Variants in APOO observed in about 807,000 individuals in gnomAD.
APOO encodes the protein MICOS complex subunit MIC26.
Under a neutral mutation model 23.1 loss-of-function variants are expected in APOO, and 11 were observed. The observed-to-expected ratio is 0.48, with a 90% CI of 0.30 to 0.79. The LOEUF (loss-of-function observed/expected upper bound fraction) is 0.79, where lower values mean the gene tolerates loss of function less well. Ranked by LOEUF, APOO falls within the 30% of genes least tolerant of loss-of-function variation. APOO has a pLI of 0.07. For missense variants in APOO, 160 were observed against 142.7 expected (o/e 1.12, Z -0.62); for synonymous variants, 59 against 54.8 (o/e 1.08, Z -0.34).
chrX:23,880,685 C>T (rs1455543504), intron 2 of APOO, among the ~76,000 whole-genome samples, 160 bp downstream of exon 2: 3 of 102,848 alleles, frequency 2.9e-5, no homozygotes, highest in African/African-American at 7.6e-5. Flanking sequence ...GCAACAAGAG[C>T]GAAACTCCGT....
At chrX:23,871,218 C>A (rs868179742) in intron 4 of APOO, among the ~76,000 whole-genome samples, 10 of 105,942 alleles carry the variant, frequency 9.4e-5, no homozygotes, top group Non-Finnish European at 1.4e-4. Flanking sequence ...AAAAAATTAG[C>A]CAGGTGTGGT....
chrX:23,856,531 A>G, intron 6 of APOO, 149 bp from the exon 7 acceptor site: 1 of 388,789 alleles, frequency 2.6e-6, no homozygotes, highest in Non-Finnish European at 4.2e-6. Flanking sequence ...CATGGAATCA[A>G]CCTAAATGCC....
chrX:23,876,420 C>CA (rs765596295), intron 3 of APOO, among the ~76,000 whole-genome samples: 2,579 of 43,157 alleles, frequency 0.06, 124 homozygotes, highest in African/African-American at 0.15. Context: ...TTGTCTCTAC[C>CA]AAAAAAAAAA....
intron 7 of APOO, among the ~76,000 whole-genome samples, chrX:23,849,583 TAAAAAAAAAAA>T (rs143362355): frequency 2.5e-4 from 8 of 32,604 alleles, no homozygotes; most frequent in Admixed American, 4.2e-4. Context: ...AAGAGAGACT[TAAAAAAAAAAA>T]AAAAAAAAAA....
At chrX:23,858,323 A>G (rs1924866707) in intron 6 of APOO, among the ~76,000 whole-genome samples, 1 of 110,988 alleles carries the variant, frequency 9.0e-6, no homozygotes, top group African/African-American at 3.3e-5. Context: ...AGTGACCCAT[A>G]ATTATCAGCT....
intron 4 of APOO, among the ~76,000 whole-genome samples, chrX:23,869,205 G>A (rs1046316877): frequency 1.8e-5 from 2 of 110,194 alleles, no homozygotes; most frequent in East Asian, 2.9e-4. Flanking sequence ...CACTGCGCCC[G>A]GCTGCAAGTG....
chrX:23,847,997 T>A (rs887732381), intron 7 of APOO, among the ~76,000 whole-genome samples: 8 of 105,597 alleles, frequency 7.6e-5, no homozygotes, highest in African/African-American at 2.8e-4. Flanking sequence ...CTGCCTCAGC[T>A]TCCCGAGTAG....
intron 5 of APOO, among the ~76,000 whole-genome samples, chrX:23,859,739 G>A (rs780050163): frequency 8.9e-6 from 1 of 111,848 alleles, no homozygotes; most frequent in Non-Finnish European, 1.9e-5. Flanking sequence ...CGCTGCGCCC[G>A]GCCCTCTGGG....
chrX:23,890,517 G>A (rs1423982311), intron 1 of APOO, among the ~76,000 whole-genome samples: 2 of 112,291 alleles, frequency 1.8e-5, no homozygotes, highest in Non-Finnish European at 3.8e-5. Flanking sequence ...TATACAAATG[G>A]TCTCAGACTT....
intron 7 of APOO, among the ~76,000 whole-genome samples, chrX:23,848,467 AT>A (rs1924359830): frequency 9.0e-6 from 1 of 111,480 alleles, no homozygotes; most frequent in African/African-American, 3.3e-5. Flanking sequence ...CCTGGCCATT[AT>A]TTTTAAAGAA....
At chrX:23,840,515 G>C (rs1923918495) in intron 7 of APOO, 138 bp from the exon 8 acceptor site, 1 of 455,257 alleles carries the variant, frequency 2.2e-6, no homozygotes, top group Non-Finnish European at 3.5e-6. Flanking sequence ...TTGAGGACTT[G>C]GGGGGTTGTT....
chrX:23,837,454 T>TTGAA, intron 8 of APOO: 1 of 433,435 alleles, frequency 2.3e-6, no homozygotes, highest in East Asian at 4.1e-5. Flanking sequence ...AACCCAGGAG[T>TTGAA]TGAAGTCCAG....
At chrX:23,858,877 G>A in intron 5 of APOO, 144 bp from the exon 6 acceptor site, 1 of 458,053 alleles carries the variant, frequency 2.2e-6, no homozygotes, top group Admixed American at 4.3e-5. Context: ...GAGGCGGGAG[G>A]ATCACTTGAG....
At chrX:23,885,291 C>T (rs889133931) in intron 1 of APOO, among the ~76,000 whole-genome samples, 12 of 108,969 alleles carry the variant, frequency 1.1e-4, no homozygotes, top group African/African-American at 3.3e-4. Flanking sequence ...CCCAGCTACT[C>T]GGGAGGCTGA....
intron 4 of APOO, among the ~76,000 whole-genome samples, chrX:23,869,121 C>T (rs1262291338): frequency 9.1e-6 from 1 of 109,552 alleles, no homozygotes; most frequent in Admixed American, 9.9e-5. Flanking sequence ...GTTGGCCAGG[C>T]TGGTCTCGAA....
chrX:23,858,761 T>A, intron 5 of APOO, 28 bp from the exon 6 acceptor site: 1 of 1,126,208 alleles, frequency 8.9e-7, no homozygotes, highest in South Asian at 1.9e-5. Flanking sequence ...GTACACGCCA[T>A]CAGATGATTC....
chrX:23,902,667 T>A (rs1927177695), intron 1 of APOO, among the ~76,000 whole-genome samples: 1 of 112,161 alleles, frequency 8.9e-6, no homozygotes, highest in African/African-American at 3.2e-5. Flanking sequence ...TGAAGATGAA[T>A]AACTATATCA....
intron 5 of APOO, among the ~76,000 whole-genome samples, chrX:23,860,382 C>A (rs184371763): frequency 1.1e-4 from 12 of 110,942 alleles, no homozygotes; most frequent in Non-Finnish European, 2.3e-4. Flanking sequence ...GTTAAAAAAC[C>A]CAGTAAACCA....
intron 1 of APOO, among the ~76,000 whole-genome samples, chrX:23,881,749 C>G (rs1236607546): frequency 1.1e-5 from 1 of 91,241 alleles, no homozygotes; most frequent in Non-Finnish European, 2.1e-5. Context: ...CCAGCCTGGC[C>G]AACATAGTGA....
Sources: gnomAD v4.1 joint callset for allele counts (sites outside exome capture counted in the v4.1 genomes callset) on GRCh38, gnomAD v4.1.1 for gene constraint, MANE v1.5 for transcripts, NCBI Gene and HGNC (gene_info 2026-07-23, HGNC 2026-07-21) for gene names.